The following ARHGAP24 variants were observed in gnomAD, a reference collection of about 807,000 sequenced individuals.
ARHGAP24 encodes rho GTPase-activating protein 24.
A neutral mutation model predicts 76.4 loss-of-function variants in ARHGAP24; 50 were observed. The ratio of observed to expected loss-of-function variants is 0.65; its 90% CI spans 0.52 to 0.83. The LOEUF (loss-of-function observed/expected upper bound fraction) is 0.83. Ranked by LOEUF, ARHGAP24 falls within the 40% of genes least tolerant of loss-of-function variation. ARHGAP24 has a pLI of 0.00. For missense variants in ARHGAP24, 930 were observed against 914.2 expected, an observed-to-expected ratio of 1.02 and a Z score of -0.22; for synonymous variants, 345 against 323.3, an observed-to-expected ratio of 1.07 and a Z score of -0.72.
intron 2 of ARHGAP24, among the ~76,000 whole-genome samples, chr4:85,627,235 G>T (rs540086518): frequency 1.3e-5 from 2 of 151,990 alleles, no homozygotes; most frequent in Admixed American, 1.3e-4. Flanking sequence ...TGATGGTGAC[G>T]TACAGATGGG....
At chr4:85,989,786 C>T (rs1578474149) in intron 8 of ARHGAP24, among the ~76,000 whole-genome samples, 2 of 151,050 alleles carry the variant, frequency 1.3e-5, no homozygotes, top group African/African-American at 2.4e-5. Context: ...AAAAAATCAT[C>T]GCGGATGCAG....
intron 2 of ARHGAP24, among the ~76,000 whole-genome samples, chr4:85,659,417 T>A (rs564640650): frequency 6.6e-6 from 1 of 152,200 alleles, no homozygotes; most frequent in Non-Finnish European, 1.5e-5. Context: ...GTTAAATTAA[T>A]GTTTAAATAA....
rs578113920 is a variant in ARHGAP24, at chr4:85,507,946, T to A, written c.-21+32387T>A. Among the ~76,000 whole-genome samples the A allele has an allele frequency of 7.2e-5, 11 of 152,310 alleles. No homozygotes were observed. The East Asian group carries it at 2.1e-3, about 29-fold the overall frequency. Reference sequence around the variant, plus strand: ...TATTAGAAAAGTATCTAAAATATGATTAAATCAACTTAGATGAGAAGCTTT... The same window carrying A: ...TATTAGAAAAGTATCTAAAATATGAATAAATCAACTTAGATGAGAAGCTTT... On this transcript the variant is annotated intron_variant, in intron 1 of 9. Transcript: ENST00000395184.
chr4:85,846,283 C>G (rs1210534385), intron 3 of ARHGAP24, among the ~76,000 whole-genome samples: 1 of 152,210 alleles, frequency 6.6e-6, no homozygotes. Flanking sequence ...CTAAAAGCCA[C>G]ACGCACAAAA....
At chr4:85,627,112 G>T (rs1049912668) in intron 2 of ARHGAP24, among the ~76,000 whole-genome samples, 4 of 152,150 alleles carry the variant, frequency 2.6e-5, no homozygotes, top group African/African-American at 9.7e-5. Context: ...TCTATTGCTG[G>T]TGAGGAGCTG....
At position 85,536,394 on chromosome 4, in the gene ARHGAP24, A is replaced by G. The variant is rs543486865; in HGVS notation, c.-20-34128A>G. On this transcript the variant is annotated intron_variant, in intron 1 of 9. Coordinates refer to ENST00000395184, the MANE Select transcript of ARHGAP24 (RefSeq NM_001025616.3). ...AAACTTGTGAATCACTTTATCACCT[A>G]TAAATGATTTTCTTTTCAGATGACT... Among the ~76,000 whole-genome samples the G allele has an allele frequency of 2.6e-5, 4 of 152,236 alleles. No individual in the cohort carries two copies. In the South Asian group the frequency reaches 6.2e-4, roughly 24 times the overall value.
chr4:85,508,859 C>T (rs540201021), intron 1 of ARHGAP24, among the ~76,000 whole-genome samples: 15 of 152,208 alleles, frequency 9.9e-5, no homozygotes, highest in Non-Finnish European at 1.2e-4. Context: ...TTGTCCTCCA[C>T]CCACATTCCA....
At chr4:85,643,953 T>C (rs979399783) in intron 2 of ARHGAP24, among the ~76,000 whole-genome samples, 4 of 152,178 alleles carry the variant, frequency 2.6e-5, no homozygotes, top group African/African-American at 4.8e-5. Context: ...GTGTCTTAGA[T>C]TGGAAGACAG....
chr4:85,740,585 C>A (rs1725784566), intron 3 of ARHGAP24, among the ~76,000 whole-genome samples: 1 of 152,132 alleles, frequency 6.6e-6, no homozygotes, highest in East Asian at 1.9e-4. Flanking sequence ...GTTTAGCTAT[C>A]TTTTACCTGT....
intron 3 of ARHGAP24, among the ~76,000 whole-genome samples, chr4:85,860,246 G>A (rs544102083): frequency 2.8e-4 from 42 of 152,212 alleles, no homozygotes; most frequent in African/African-American, 8.9e-4. Context: ...AAGCAAATGT[G>A]TAGAGAGATG....
chr4:85,794,515 C>T (rs1184783718), intron 3 of ARHGAP24, among the ~76,000 whole-genome samples: 1 of 152,100 alleles, frequency 6.6e-6, no homozygotes, highest in Non-Finnish European at 1.5e-5. Flanking sequence ...CAGAGTCTCA[C>T]CTTGACCCCC....
chr4:85,905,961 TA>T (rs1734749552), intron 3 of ARHGAP24, among the ~76,000 whole-genome samples: 1 of 152,154 alleles, frequency 6.6e-6, no homozygotes, highest in Non-Finnish European at 1.5e-5. Context: ...GGAGCTGAAA[TA>T]AAACCATCAG....
chr4:85,743,327 G>A (rs535265909), intron 3 of ARHGAP24, among the ~76,000 whole-genome samples: 1 of 142,880 alleles, frequency 7.0e-6, no homozygotes, highest in African/African-American at 2.6e-5. Context: ...GCCAATGAGG[G>A]GCCAGATGTG....
At chr4:85,540,694 G>T (rs1205734808) in intron 1 of ARHGAP24, among the ~76,000 whole-genome samples, 1 of 151,852 alleles carries the variant, frequency 6.6e-6, no homozygotes, top group Non-Finnish European at 1.5e-5. Context: ...ATCACATCTG[G>T]CTCCATGCAA....
intron 1 of ARHGAP24, among the ~76,000 whole-genome samples, chr4:85,569,067 G>C (rs1726966468): frequency 6.6e-6 from 1 of 152,130 alleles, no homozygotes; most frequent in Non-Finnish European, 1.5e-5. Flanking sequence ...AAATGACCAA[G>C]GGCTGACAAT....
chr4:85,661,365 A>C (rs949863058), intron 2 of ARHGAP24, among the ~76,000 whole-genome samples: 1 of 152,178 alleles, frequency 6.6e-6, no homozygotes, highest in African/African-American at 2.4e-5. Flanking sequence ...TGAAAACAAA[A>C]TACGTCGTAG....
intron 2 of ARHGAP24, among the ~76,000 whole-genome samples, chr4:85,649,044 T>C (rs1490640630): frequency 6.6e-6 from 1 of 151,902 alleles, no homozygotes; most frequent in Non-Finnish European, 1.5e-5. Context: ...TGTTTGTGTG[T>C]GTGTGCTTAT....
intron 8 of ARHGAP24, among the ~76,000 whole-genome samples, chr4:85,979,691 A>G (rs1388304693): frequency 6.6e-6 from 1 of 152,136 alleles, no homozygotes; most frequent in Non-Finnish European, 1.5e-5. Flanking sequence ...CTTCTCATCT[A>G]CTGCTTAGGA....
chr4:85,592,440 G>T (rs546693076), intron 2 of ARHGAP24, among the ~76,000 whole-genome samples: 1 of 152,034 alleles, frequency 6.6e-6, no homozygotes, highest in East Asian at 1.9e-4. Context: ...AGCTTAAATG[G>T]TGTATCCATA....
Sources: allele counts gnomAD v4.1 joint callset (sites outside exome capture counted in the v4.1 genomes callset), GRCh38; gene constraint gnomAD v4.1.1; transcripts MANE v1.5; gene names NCBI Gene and HGNC (gene_info 2026-07-23, HGNC 2026-07-21).